LYSMD2: variants seen among roughly 807,000 people sequenced by gnomAD.
LYSMD2 encodes LysM domain containing 2, also known as lysM and putative peptidoglycan-binding domain-containing protein 2.
A neutral mutation model predicts 17.7 loss-of-function variants in LYSMD2; 6 were observed. That is an observed-to-expected ratio of 0.34 (90% CI 0.19 to 0.67). The LOEUF (loss-of-function observed/expected upper bound fraction) is 0.67. Among genes scored for constraint, LYSMD2 ranks in the 30% least tolerant of loss-of-function variants. LYSMD2 has a pLI of 0.69. For synonymous variants in LYSMD2, 102 were observed against 129.8 expected (o/e 0.79, Z 1.45); for missense variants, 237 against 286.7 (o/e 0.83, Z 1.25).
At chr15:51,747,017 TAAA>T (rs1050919768) in intron 1 of LYSMD2, among the ~76,000 whole-genome samples, 4 of 65,782 alleles carry the variant, frequency 6.1e-5, no homozygotes, top group Non-Finnish European at 8.8e-5. Flanking sequence ...CTGTCTCTAC[TAAA>T]AAAAAAAAAA....
Position 51,737,552 on chromosome 15 carries a change from G to T in LYSMD2, c.71C>A (p.Ser24Ter), listed in dbSNP as rs1186593872. The T allele has an allele frequency of 2.4e-6, 3 of 1,227,648 alleles. No homozygotes were observed. Among genetic ancestry groups the T allele is most frequent in the Non-Finnish European group, 3.0e-6 (3 of 987,616 alleles). The allele number at this position is 1,227,648 out of a possible 1,614,324, so 76.0% of individuals were successfully genotyped here. A position where few individuals can be genotyped will look rare whatever the true frequency, so the allele number is the denominator to read the frequency against. The change falls in exon 1 of 3, where the codon TCG becomes TAG. Residue 24 changes from serine (S) to a stop codon, truncating the protein, a stop_gained. Coordinates refer to ENST00000267838, the MANE Select transcript of LYSMD2 (RefSeq NM_153374.3). LOFTEE classifies it high-confidence loss of function. This position sits in a 1 kb window ranked among gnomAD's most constrained non-coding sequence, Gnocchi z 4.2. The part of the protein sequence containing the change: ...GPRAPRPSAP[S>*]PPPRSRSGSE... ...GCCGGAGCGCGAGCGCGGCGGCGGC[G>T]AGGGGGCCGAGGGCCGCGGCGCGCG...
chr15:51,748,901 C>T (rs1379874319), intron 1 of LYSMD2, among the ~76,000 whole-genome samples: 1 of 152,216 alleles, frequency 6.6e-6, no homozygotes, highest in Non-Finnish European at 1.5e-5. Context: ...ACTACCTGTT[C>T]CTAATGAGGT....
chr15:51,732,596 C>A (rs772175404), intron 1 of LYSMD2, among the ~76,000 whole-genome samples: 15 of 152,186 alleles, frequency 9.9e-5, no homozygotes, highest in Non-Finnish European at 2.2e-4. Context: ...TCATAATGAT[C>A]TTTCCTAAGT....
Position 51,737,492 on chromosome 15 carries a change from A to C in LYSMD2, c.131T>G (p.Leu44Arg). ...ESEEAELSLSLARTKTRSYGS... is the reference protein window; with the variant it reads ...ESEEAELSLSRARTKTRSYGS... Reference sequence around the variant, plus strand: ...GTACGAGCGGGTCTTGGTGCGGGCCAGGCTCAGCGACAGCTCGGCCTCCTC... The same window carrying C: ...GTACGAGCGGGTCTTGGTGCGGGCCCGGCTCAGCGACAGCTCGGCCTCCTC... The change falls in exon 1 of 3, where the codon CTG becomes CGG. Residue 44 changes from leucine (L) to arginine (R), a missense_variant. Transcript: ENST00000267838. The surrounding 1 kb of genome is among the most constrained non-coding windows in gnomAD (Gnocchi z 4.2). The C allele has an allele frequency of 7.4e-7, 1 of 1,357,084 alleles. No individual in the cohort carries two copies. Among genetic ancestry groups the C allele is most frequent in the Non-Finnish European group, 9.5e-7 (1 of 1,055,204 alleles). The allele number at this position is 1,357,084 out of a possible 1,614,324, so 84.1% of individuals were successfully genotyped here.
upstream of LYSMD2, chr15:51,737,743 G>A: frequency 1.3e-6 from 1 of 760,548 alleles, no homozygotes; most frequent in Non-Finnish European, 1.7e-6. This position sits in a 1 kb window ranked among gnomAD's most constrained non-coding sequence, Gnocchi z 4.2. Context: ...CCGCGGGGGC[G>A]GCGGACGGGA....
chr15:51,745,807 GA>G (rs2055665185), intron 1 of LYSMD2, among the ~76,000 whole-genome samples: 1 of 152,150 alleles, frequency 6.6e-6, no homozygotes, highest in African/African-American at 2.4e-5. Flanking sequence ...GATTTGAATA[GA>G]CATTTCTCCA....
chr15:51,724,580 T>C (rs983414213), intron 2 of LYSMD2, among the ~76,000 whole-genome samples: 1 of 115,682 alleles, frequency 8.6e-6, no homozygotes, highest in African/African-American at 3.0e-5. Context: ...AGAACTAAAA[T>C]GCAGTTTTTA....
chr15:51,730,863 C>T (rs1236038132), intron 1 of LYSMD2, among the ~76,000 whole-genome samples: 1 of 152,184 alleles, frequency 6.6e-6, no homozygotes, highest in Non-Finnish European at 1.5e-5. Flanking sequence ...TTAAATGATT[C>T]TCCCAAGATT....
At chr15:51,747,237 A>G (rs1177084025) in intron 1 of LYSMD2, among the ~76,000 whole-genome samples, 1 of 151,050 alleles carries the variant, frequency 6.6e-6, no homozygotes, top group Non-Finnish European at 1.5e-5. Flanking sequence ...AAAAACTGTA[A>G]TGCCAGCACT....
At chr15:51,745,698 C>T (rs897150599) in intron 1 of LYSMD2, among the ~76,000 whole-genome samples, 2 of 152,028 alleles carry the variant, frequency 1.3e-5, no homozygotes, top group South Asian at 2.1e-4. Flanking sequence ...TTGCAAATCG[C>T]ATATCTAATA....
intron 1 of LYSMD2, chr15:51,751,231 A>G: frequency 1.4e-6 from 1 of 700,962 alleles, no homozygotes; most frequent in Non-Finnish European, 2.6e-6. Context: ...TCCCACGCCC[A>G]CGCCCAGCCA....
upstream of LYSMD2, among the ~76,000 whole-genome samples, chr15:51,741,084 G>T (rs1371311356): frequency 2.6e-5 from 4 of 152,128 alleles, no homozygotes; most frequent in Admixed American, 2.6e-4. Context: ...AAGGGCCAAG[G>T]CATTCCTGAG....
rs1283449314 is a variant in LYSMD2, at chr15:51,737,647, G to T, written c.-25C>A. 12 of 1,203,672 alleles carry T rather than the reference G, an allele frequency of 1.0e-5. No homozygotes were observed. Among genetic ancestry groups the T allele is most frequent in the Non-Finnish European group, 1.1e-5 (11 of 970,056 alleles). 74.6% of individuals were successfully genotyped at this position (1,203,672 alleles called of 1,614,324 possible). The stretch of plus-strand genomic sequence containing the variant: ...TGGGTCCTGCCGAGGCCGCCGGGTC[G>T]GGGAGCTTGCCAAGGGGGCGGCGCC... On this transcript the variant is annotated 5_prime_UTR_variant, in exon 1 of 3. Coordinates refer to ENST00000267838, the MANE Select transcript of LYSMD2 (RefSeq NM_153374.3). This position sits in a 1 kb window ranked among gnomAD's most constrained non-coding sequence, Gnocchi z 4.2.
At chr15:51,732,021 T>C (rs965445654) in intron 1 of LYSMD2, among the ~76,000 whole-genome samples, 2 of 152,170 alleles carry the variant, frequency 1.3e-5, no homozygotes, top group African/African-American at 4.8e-5. Context: ...CTTCCTCAAA[T>C]GCCTCTTCCT....
rs2055527564 is a variant in LYSMD2, at chr15:51,724,875, C to T, written c.520G>A (p.Val174Met). The change falls in exon 2 of 3, where the codon GTG (valine) becomes ATG (methionine). Residue 174 changes from valine to methionine, a missense_variant. Val to Met is a conservative substitution (Grantham distance 21, BLOSUM62 1). Transcript: ENST00000267838. ...SDVQPVQPEE[V>M]SARDFLQRLD... ...CTCTGCAGGAAATCTCTGGCTGACACTTCCTCAGGCTGCACAGGCTGAACA... is the reference window on the plus strand; with the variant it reads ...CTCTGCAGGAAATCTCTGGCTGACATTTCCTCAGGCTGCACAGGCTGAACA... 4 of 1,614,106 alleles carry T rather than the reference C, an allele frequency of 2.5e-6. No homozygotes were observed. The highest frequency in any genetic ancestry group is 2.2e-5 in the South Asian group (2 of 91,068).
intron 1 of LYSMD2, among the ~76,000 whole-genome samples, chr15:51,736,150 A>G (rs2055607358): frequency 6.6e-6 from 1 of 152,262 alleles, no homozygotes; most frequent in Non-Finnish European, 1.5e-5. Context: ...TGAAAGTTAA[A>G]TAAGATAAAG....
At position 51,734,633 on chromosome 15, in the gene LYSMD2, T is replaced by C. The variant is rs147873227; in HGVS notation, c.273+2717A>G. On this transcript the variant is annotated intron_variant, in intron 1 of 2. Transcript: ENST00000267838. ...CTCATCTGTGCAAGATTGACAGACA[T>C]GGTATGTTAAGGTCAACTGTTTGCT... Among the ~76,000 whole-genome samples, 446 of 152,286 alleles carry C rather than the reference T, an allele frequency of 2.9e-3. 1 individual carries two copies. The highest frequency in any genetic ancestry group is 0.01 in the African/African-American group (423 of 41,560).
intron 1 of LYSMD2, among the ~76,000 whole-genome samples, chr15:51,743,709 G>A (rs1035543205): frequency 1.3e-5 from 2 of 152,204 alleles, no homozygotes; most frequent in Non-Finnish European, 2.9e-5. Flanking sequence ...AAATTGTGAA[G>A]AAGTGACATC....
chr15:51,742,196 T>A (rs754851502), upstream of LYSMD2, among the ~76,000 whole-genome samples: 1 of 152,066 alleles, frequency 6.6e-6, no homozygotes, highest in Non-Finnish European at 1.5e-5. Flanking sequence ...TGCACCGCCA[T>A]GCCCAGCTGA....
Sources: gnomAD v4.1 joint callset for allele counts (sites outside exome capture counted in the v4.1 genomes callset) on GRCh38, gnomAD v4.1.1 for gene constraint, Gnocchi (gnomAD v3.1) non-coding constraint, MANE v1.5 for transcripts, NCBI Gene and HGNC (gene_info 2026-07-23, HGNC 2026-07-21) for gene names.